The following PRAMEF20 variants were observed in gnomAD, a reference collection of about 807,000 sequenced individuals.
PRAMEF20 encodes PRAME family member 20, also known as PRAME family member 20/21.
PRAMEF20 carries 27 observed loss-of-function variants against 32.4 expected under a neutral mutation model. The observed-to-expected ratio is 0.83, with a 90% CI of 0.61 to 1.15. The LOEUF (loss-of-function observed/expected upper bound fraction) is 1.15. PRAMEF20 is among the 50% of genes most tolerant of loss of function. The pLI is 0.00. For synonymous variants in PRAMEF20, 256 were observed against 235.4 expected, an observed-to-expected ratio of 1.09 and a Z score of -0.80; for missense variants, 604 against 584.5, an observed-to-expected ratio of 1.03 and a Z score of -0.34.
intron 1 of PRAMEF20, among the ~76,000 whole-genome samples, chr1:13,416,873 A>G (rs1641181515): frequency 6.6e-6 from 1 of 152,226 alleles, no homozygotes; most frequent in Admixed American, 6.5e-5. Flanking sequence ...GAAAGGCACC[A>G]CTAAAAGTGG....
At chr1:13,419,974 T>A (rs1407873464) in intron 2 of PRAMEF20, among the ~76,000 whole-genome samples, 1 of 152,102 alleles carries the variant, frequency 6.6e-6, no homozygotes, top group African/African-American at 2.4e-5. Context: ...ATGGTGAAAG[T>A]GATAGATGGT....
upstream of PRAMEF20, among the ~76,000 whole-genome samples, chr1:13,412,051 TA>T (rs540505798): frequency 1.0e-3 from 154 of 148,072 alleles, 2 homozygotes; most frequent in East Asian, 0.027. Context: ...TTTATTTATT[TA>T]ATTTAATTAA....
chr1:13,416,140 C>G (rs1279433136), upstream of PRAMEF20, among the ~76,000 whole-genome samples: 1 of 152,228 alleles, frequency 6.6e-6, no homozygotes, highest in Non-Finnish European at 1.5e-5. Context: ...TGCCTCCTCA[C>G]TGCTTGGGAG....
Position 13,418,442 on chromosome 1 carries a change from A to T in PRAMEF20, c.608A>T (p.Asn203Ile). ...ATCAGAAACATCCTGAAAACAGTCA[A>T]CCTAGACTGTATCCAGGAGGTGGAA... The change falls in exon 2 of 3, where the codon AAC becomes ATC. Residue 203 changes from asparagine to isoleucine, a missense_variant. By Grantham distance (149) the Asn-to-Ile change is moderately radical. Coordinates refer to ENST00000602960, the Ensembl canonical transcript of PRAMEF20. 5 of 1,613,898 alleles carry T rather than the reference A, an allele frequency of 3.1e-6. No individual in the cohort carries two copies. In the South Asian group the frequency reaches 4.4e-5, roughly 14 times the overall value.
chr1:13,418,638 C>G (rs1641209897), exon 2 of PRAMEF20: 1 of 1,613,976 alleles, frequency 6.2e-7, no homozygotes, highest in African/African-American at 1.3e-5. Flanking sequence ...AGCTGCGCTG[C>G]CTCCAAAAGC....
At chr1:13,414,208 ATTTT>A (rs149194621), upstream of PRAMEF20, among the ~76,000 whole-genome samples, 141 of 123,266 alleles carry the variant, frequency 1.1e-3, no homozygotes, top group African/African-American at 3.9e-3. Context: ...CACCTGACTA[ATTTT>A]TTTTTTTTTT....
chr1:13,411,273 G>C, the PRAMEF20 span, among the ~76,000 whole-genome samples: 170 of 152,286 alleles, frequency 1.1e-3, 1 homozygote, highest in African/African-American at 3.7e-3. Flanking sequence ...AGGCTGCAAT[G>C]AGCCGTGCTC....
exon 1 of PRAMEF20, chr1:13,416,453 G>C: frequency 6.2e-7 from 1 of 1,614,010 alleles, no homozygotes; most frequent in East Asian, 2.2e-5. Flanking sequence ...AGCTGCCCAC[G>C]GAACTTTTTC....
At chr1:13,417,773 T>C (rs28690706) in intron 1 of PRAMEF20, among the ~76,000 whole-genome samples, 1 of 142,984 alleles carries the variant, frequency 7.0e-6, no homozygotes, top group Non-Finnish European at 1.5e-5. Flanking sequence ...TCTTGCTCTG[T>C]CGCCCAGGCT....
chr1:13,419,184 A>G (rs2100437519), intron 2 of PRAMEF20, among the ~76,000 whole-genome samples: 1 of 152,266 alleles, frequency 6.6e-6, no homozygotes, highest in African/African-American at 2.4e-5. Context: ...ATGAAATTTC[A>G]CTTTTATCAC....
upstream of PRAMEF20, among the ~76,000 whole-genome samples, chr1:13,414,802 T>C (rs1476928967): frequency 6.6e-6 from 1 of 151,454 alleles, no homozygotes; most frequent in Non-Finnish European, 1.5e-5. Context: ...ATGTAATATA[T>C]ATATATAGAG....
At chr1:13,413,731 A>G (rs1306403355), upstream of PRAMEF20, among the ~76,000 whole-genome samples, 3 of 152,050 alleles carry the variant, frequency 2.0e-5, no homozygotes, top group Non-Finnish European at 1.5e-5. Context: ...CTGAAGATCT[A>G]TGGGAGAGAC....
chr1:13,413,915 A>G (rs1641136582), upstream of PRAMEF20, among the ~76,000 whole-genome samples: 2 of 152,172 alleles, frequency 1.3e-5, no homozygotes, highest in Non-Finnish European at 2.9e-5. Context: ...GTTTTATCAG[A>G]TGAACAGATT....
At chr1:13,414,905 T>A (rs994166256), upstream of PRAMEF20, among the ~76,000 whole-genome samples, 407 of 152,074 alleles carry the variant, frequency 2.7e-3, 2 homozygotes, top group African/African-American at 9.5e-3. Context: ...GTTCAAGTGA[T>A]TCTCCAGCTT....
intron 2 of PRAMEF20, among the ~76,000 whole-genome samples, chr1:13,420,078 A>G (rs1641226657): frequency 6.6e-6 from 1 of 152,172 alleles, no homozygotes; most frequent in African/African-American, 2.4e-5. Flanking sequence ...TTATGCCTGC[A>G]TCCCCAATGG....
chr1:13,417,370 C>T (rs1641188344), intron 1 of PRAMEF20, among the ~76,000 whole-genome samples: 1 of 151,984 alleles, frequency 6.6e-6, no homozygotes, highest in South Asian at 2.1e-4. Flanking sequence ...AGGGAAGTTC[C>T]CCAAGTCCCC....
chr1:13,412,197 T>C (rs1443610626), upstream of PRAMEF20, among the ~76,000 whole-genome samples: 5 of 152,220 alleles, frequency 3.3e-5, no homozygotes, highest in African/African-American at 1.2e-4. Context: ...TTTGTATTTT[T>C]AGTAGAGACA....
chr1:13,415,448 A>G (rs1331525250), upstream of PRAMEF20, among the ~76,000 whole-genome samples: 2 of 152,184 alleles, frequency 1.3e-5, no homozygotes, highest in Admixed American at 1.3e-4. Context: ...CGAATGATCC[A>G]TAACATTGTC....
intron 2 of PRAMEF20, 45 bp from the exon 4 acceptor site, chr1:13,420,652 A>G (rs1641231879): frequency 1.9e-6 from 3 of 1,612,026 alleles, no homozygotes; most frequent in Non-Finnish European, 2.5e-6. Context: ...CCCTCCACTC[A>G]CCCCTACGAT....
Sources: allele counts gnomAD v4.1 joint callset (sites outside exome capture counted in the v4.1 genomes callset), GRCh38; gene constraint gnomAD v4.1.1; transcripts MANE v1.5; gene names NCBI Gene and HGNC (gene_info 2026-07-23, HGNC 2026-07-21).